The following TPST1 variants were observed in gnomAD, a reference collection of about 807,000 sequenced individuals.
The protein encoded by TPST1 is tyrosylprotein sulfotransferase 1.
TPST1 carries 20 observed loss-of-function variants against 34.8 expected under a neutral mutation model. That is an observed-to-expected ratio of 0.57 (90% CI 0.40 to 0.84). The LOEUF is 0.84. Among genes scored for constraint, TPST1 ranks in the 40% least tolerant of loss-of-function variants. The pLI is 0.00. For synonymous variants in TPST1, 152 were observed against 159.4 expected (o/e 0.95, Z 0.35); for missense variants, 353 against 455.5 (o/e 0.78, Z 2.05).
intron 3 of TPST1, among the ~76,000 whole-genome samples, chr7:66,293,076 G>A (rs1243389291): frequency 6.6e-6 from 1 of 151,980 alleles, no homozygotes; most frequent in Admixed American, 6.6e-5. Flanking sequence ...CGTGGTGGTG[G>A]GCGCCTGTAG....
chr7:66,200,852 G>A (rs1294026268), upstream of TPST1, among the ~76,000 whole-genome samples: 4 of 152,036 alleles, frequency 2.6e-5, no homozygotes, highest in South Asian at 2.1e-4. Flanking sequence ...TCAGCCTCCC[G>A]AGTTGCTGGG....
chr7:66,308,907 T>C (rs1791476036), intron 3 of TPST1, among the ~76,000 whole-genome samples: 1 of 152,126 alleles, frequency 6.6e-6, no homozygotes, highest in South Asian at 2.1e-4. Context: ...TTTGAATAAA[T>C]TTTATTTTGA....
chr7:66,226,921 T>C lies in TPST1; in HGVS notation c.-101-13404T>C, dbSNP rs547393034. ...GTTTTGGGATGATAAGCTATTATCATCAATTAGTGCTACTTTTTGGATGCC... is the reference window on the plus strand; with the variant it reads ...GTTTTGGGATGATAAGCTATTATCACCAATTAGTGCTACTTTTTGGATGCC... On this transcript the variant is annotated intron_variant, in intron 1 of 5. Coordinates refer to ENST00000304842, the MANE Select transcript of TPST1 (RefSeq NM_003596.4). 2.6e-5 allele frequency among the ~76,000 whole-genome samples: 4 copies of C among 151,682 alleles called. No individual in the cohort carries two copies. The East Asian group carries it at 7.8e-4, about 29-fold the overall frequency.
intron 2 of TPST1, among the ~76,000 whole-genome samples, chr7:66,285,207 G>A (rs1791011350): frequency 1.3e-5 from 2 of 152,134 alleles, no homozygotes; most frequent in Admixed American, 1.3e-4. Context: ...AACATCCTCT[G>A]CTCATTCCTG....
intron 2 of TPST1, among the ~76,000 whole-genome samples, chr7:66,254,873 C>T (rs556818067): frequency 9.2e-5 from 14 of 151,812 alleles, no homozygotes; most frequent in Middle Eastern, 3.4e-3. Context: ...TGTTGCCAGG[C>T]GTGGTGGCTC....
At chr7:66,225,522 GA>G (rs1443255208) in intron 1 of TPST1, among the ~76,000 whole-genome samples, 1 of 152,138 alleles carries the variant, frequency 6.6e-6, no homozygotes, top group Non-Finnish European at 1.5e-5. Context: ...TGAGGCAGGA[GA>G]ATCACTTGAA....
chr7:66,280,170 T>G (rs1222077866), intron 2 of TPST1, among the ~76,000 whole-genome samples: 1 of 152,262 alleles, frequency 6.6e-6, no homozygotes, highest in Admixed American at 6.5e-5. Context: ...CACAGTCAGC[T>G]GGCTTCTGCC....
intron 1 of TPST1, among the ~76,000 whole-genome samples, chr7:66,215,894 T>TC (rs2116252258): frequency 6.7e-6 from 1 of 149,782 alleles, no homozygotes; most frequent in Non-Finnish European, 1.5e-5. Flanking sequence ...TGCCTCGGCC[T>TC]CCCAAGTAGC....
chr7:66,230,945 C>G (rs1489408523), intron 1 of TPST1, among the ~76,000 whole-genome samples: 1 of 152,112 alleles, frequency 6.6e-6, no homozygotes, highest in Non-Finnish European at 1.5e-5. Context: ...TTCTCCAAGG[C>G]CCCACCAGAG....
At chr7:66,326,029 C>T (rs1584242076) in intron 3 of TPST1, among the ~76,000 whole-genome samples, 1 of 152,168 alleles carries the variant, frequency 6.6e-6, no homozygotes, top group Non-Finnish European at 1.5e-5. Context: ...AATGTTGTAT[C>T]CAGCAGGTTG....
chr7:66,277,294 T>G (rs1790839329), intron 2 of TPST1, among the ~76,000 whole-genome samples: 1 of 152,210 alleles, frequency 6.6e-6, no homozygotes, highest in Admixed American at 6.5e-5. Flanking sequence ...CAATTTCAAC[T>G]GGTGTTCTCA....
chr7:66,293,692 C>A (rs557233906), intron 3 of TPST1, among the ~76,000 whole-genome samples: 1 of 152,212 alleles, frequency 6.6e-6, no homozygotes, highest in Admixed American at 6.5e-5. Flanking sequence ...GCATAAACAC[C>A]ATAATTATTA....
chr7:66,252,569 G>A (rs1790289904), intron 2 of TPST1, among the ~76,000 whole-genome samples: 1 of 151,790 alleles, frequency 6.6e-6, no homozygotes. Context: ...TCCTGACCTT[G>A]TGATCCGCCC....
At chr7:66,349,254 C>T (rs1792419878) in intron 3 of TPST1, among the ~76,000 whole-genome samples, 1 of 152,078 alleles carries the variant, frequency 6.6e-6, no homozygotes, top group South Asian at 2.1e-4. Context: ...GATTCAGTGT[C>T]TGAATGTCTG....
intron 2 of TPST1, among the ~76,000 whole-genome samples, chr7:66,279,648 C>T (rs988425023): frequency 6.6e-6 from 1 of 152,114 alleles, no homozygotes; most frequent in Non-Finnish European, 1.5e-5. Context: ...AGATCAGAAA[C>T]GGTCTTTGTT....
chr7:66,223,243 T>C (rs116473213), intron 1 of TPST1, among the ~76,000 whole-genome samples: 5,996 of 151,940 alleles, frequency 0.039, 391 homozygotes, highest in African/African-American at 0.14. Flanking sequence ...GGCCAGGGGT[T>C]CAAGACCAGC....
intron 1 of TPST1, among the ~76,000 whole-genome samples, chr7:66,235,924 T>G (rs1789903273): frequency 6.6e-6 from 1 of 152,152 alleles, no homozygotes; most frequent in African/African-American, 2.4e-5. Context: ...GAGTTTCTGA[T>G]TAGCCTTTCC....
At chr7:66,208,841 G>C (rs1789185783) in intron 1 of TPST1, among the ~76,000 whole-genome samples, 1 of 152,164 alleles carries the variant, frequency 6.6e-6, no homozygotes, top group Non-Finnish European at 1.5e-5. Context: ...TTAAGAGAAA[G>C]AGTTGTGTCA....
chr7:66,249,609 G>T (rs932315174), intron 2 of TPST1, among the ~76,000 whole-genome samples: 12 of 152,284 alleles, frequency 7.9e-5, no homozygotes, highest in Non-Finnish European at 1.6e-4. Flanking sequence ...CAGGTTTCCC[G>T]GTGATGCTAA....
Sources: allele counts gnomAD v4.1 joint callset (sites outside exome capture counted in the v4.1 genomes callset), GRCh38; gene constraint gnomAD v4.1.1; transcripts MANE v1.5; gene names NCBI Gene and HGNC (gene_info 2026-07-23, HGNC 2026-07-21).